PCDHGA8: variants seen among roughly 807,000 people sequenced by gnomAD.
The protein encoded by PCDHGA8 is protocadherin gamma subfamily A, 8, also known as protocadherin gamma-A8.
Under a neutral mutation model 59.2 loss-of-function variants are expected in PCDHGA8, and 45 were observed. The observed-to-expected ratio is 0.76, with a 90% CI of 0.60 to 0.98. The LOEUF (loss-of-function observed/expected upper bound fraction) is 0.98. Ranked by LOEUF, PCDHGA8 falls within the 50% of genes least tolerant of loss-of-function variation. The probability of loss-of-function intolerance (pLI) is 0.00; values close to 1 mark genes in which losing one functional copy is unlikely to be tolerated. For missense variants in PCDHGA8, 1,257 were observed against 1,196.2 expected, an observed-to-expected ratio of 1.05 and a Z score of -0.75; for synonymous variants, 531 against 519.0, an observed-to-expected ratio of 1.02 and a Z score of -0.32.
rs779651957 is a variant in PCDHGA8, at chr5:141,431,167, T to G, written c.2424+35930T>G. 2 of 1,614,118 alleles carry G rather than the reference T, an allele frequency of 1.2e-6. No individual in the cohort carries two copies. Among genetic ancestry groups the G allele is most frequent in the Non-Finnish European group, 1.7e-6 (2 of 1,180,014 alleles). The stretch of plus-strand genomic sequence containing the variant: ...ACAATGCGCCTTACTTTCGTGAAAG[T>G]GAATTAGAAATAAAAATTAGTGAAA... On this transcript the variant is annotated intron_variant, in intron 1 of 3. Transcript: ENST00000398604. The surrounding 1 kb of genome is among the most constrained non-coding windows in gnomAD (Gnocchi z 4.8).
At position 141,491,753 on chromosome 5, in the gene PCDHGA8, C is replaced by T. The variant is rs373728953; in HGVS notation, c.2425-3054C>T. On this transcript the variant is annotated intron_variant, in intron 1 of 3. Coordinates refer to ENST00000398604, the MANE Select transcript of PCDHGA8 (RefSeq NM_032088.2). The surrounding 1 kb of genome is among the most constrained non-coding windows in gnomAD (Gnocchi z 6.9). ...ACCCCTGGGGGCGGCACTGGAGAAGCCGCCCGTCCTCATAAGGGATTGAAC... is the reference window on the plus strand; with the variant it reads ...ACCCCTGGGGGCGGCACTGGAGAAGTCGCCCGTCCTCATAAGGGATTGAAC... 4 of 1,585,146 alleles carry T rather than the reference C, an allele frequency of 2.5e-6. No homozygotes were observed. Among genetic ancestry groups the T allele is most frequent in the East Asian group, 2.3e-5 (1 of 43,412 alleles).
chr5:141,478,418 C>T, intron 1 of PCDHGA8: 1 of 1,613,650 alleles, frequency 6.2e-7, no homozygotes, highest in Non-Finnish European at 8.5e-7. Context: ...GGACTCCCGC[C>T]GCAGCGACCC....
intron 1 of PCDHGA8, among the ~76,000 whole-genome samples, chr5:141,482,782 G>T (rs775083331): frequency 1.6e-4 from 25 of 152,154 alleles, no homozygotes; most frequent in Non-Finnish European, 3.2e-4. Context: ...ACCTTAAACT[G>T]TGTGTGTGGC....
intron 1 of PCDHGA8, chr5:141,427,221 T>C (rs1312743800): frequency 2.2e-6 from 1 of 456,628 alleles, no homozygotes; most frequent in Non-Finnish European, 4.4e-6. Context: ...TCGTAGCAGT[T>C]ATACCATGAG....
intron 1 of PCDHGA8, among the ~76,000 whole-genome samples, chr5:141,453,643 T>G (rs1267570786): frequency 2.6e-5 from 4 of 152,240 alleles, no homozygotes; most frequent in Non-Finnish European, 5.9e-5. Flanking sequence ...TATATTTTCT[T>G]ATGTCCTCTT....
chr5:141,427,458 A>T (rs2097029342), intron 1 of PCDHGA8: 1 of 494,398 alleles, frequency 2.0e-6, no homozygotes, highest in African/African-American at 1.9e-5. Context: ...TCCTTTTAGA[A>T]TCGAATCTTC....
intron 1 of PCDHGA8, among the ~76,000 whole-genome samples, chr5:141,401,627 G>A (rs998564450): frequency 6.6e-6 from 1 of 152,176 alleles, no homozygotes; most frequent in African/African-American, 2.4e-5. Flanking sequence ...TTGTCTTATC[G>A]TTTGGAGCTT....
chr5:141,449,471 G>A (rs1261821886), intron 1 of PCDHGA8, among the ~76,000 whole-genome samples: 1 of 151,060 alleles, frequency 6.6e-6, no homozygotes, highest in African/African-American at 2.4e-5. Flanking sequence ...GCCAGGCCTG[G>A]TACCCCATGC....
rs371490086 is a variant in PCDHGA8, at chr5:141,405,329, G to T, written c.2424+10092G>T. 3 of 1,614,168 alleles carry T rather than the reference G, an allele frequency of 1.9e-6. No individual in the cohort carries two copies. Among genetic ancestry groups the T allele is most frequent in the Non-Finnish European group, 2.5e-6 (3 of 1,180,010 alleles). On this transcript the variant is annotated intron_variant, in intron 1 of 3. Coordinates refer to ENST00000398604, the MANE Select transcript of PCDHGA8 (RefSeq NM_032088.2). The stretch of plus-strand genomic sequence containing the variant: ...CTGTGAGAAAAATGAGCCTTTGTGC[G>T]TCTCTGTTGATTCCAAGTTTCCTAT...
intron 1 of PCDHGA8, chr5:141,410,537 A>G (rs772317770): frequency 1.1e-5 from 17 of 1,613,760 alleles, no homozygotes; most frequent in African/African-American, 1.3e-5. Flanking sequence ...CAATGAAGAC[A>G]TGGTTTGCAG....
At chr5:141,423,549 C>T (rs748764057) in intron 1 of PCDHGA8, 113 of 1,613,568 alleles carry the variant, frequency 7.0e-5, no homozygotes, top group Non-Finnish European at 8.7e-5. Flanking sequence ...TCCCCCAGCC[C>T]AACTATGGGG....
rs990493129 is a variant in PCDHGA8 at position 141,449,560 on chromosome 5, G to C, written c.2425-45247G>C. On this transcript the variant is annotated intron_variant, in intron 1 of 3. Coordinates refer to ENST00000398604, the MANE Select transcript of PCDHGA8 (RefSeq NM_032088.2). ...GCCGAGATCGCACCACTGCACTCCA[G>C]CCTGGGCGACAGAGCAAGACTCTGT... Among the ~76,000 whole-genome samples, 4 of 145,056 alleles carry C rather than the reference G, an allele frequency of 2.8e-5. No homozygotes were observed. The Admixed American group carries it at 2.8e-4, about 10-fold the overall frequency.
intron 1 of PCDHGA8, chr5:141,419,409 A>G: frequency 6.2e-7 from 1 of 1,613,462 alleles, no homozygotes; most frequent in Non-Finnish European, 8.5e-7. Flanking sequence ...GTGTTCGCGC[A>G]GCGCGCCTTC....
intron 1 of PCDHGA8, chr5:141,422,102 T>A: frequency 6.2e-7 from 1 of 1,609,526 alleles, no homozygotes; most frequent in Non-Finnish European, 8.5e-7. Context: ...GCTTCTGAAA[T>A]ATTCCAATTG....
chr5:141,414,556 T>G, intron 1 of PCDHGA8: 2 of 1,613,990 alleles, frequency 1.2e-6, no homozygotes, highest in Non-Finnish European at 1.7e-6. Flanking sequence ...TCAAGTCTCC[T>G]ACTTTACCTA....
intron 1 of PCDHGA8, chr5:141,426,568 C>T: frequency 5.6e-6 from 2 of 354,402 alleles, no homozygotes; most frequent in Non-Finnish European, 5.6e-6. Flanking sequence ...TCGAGAGTCA[C>T]TGTCTTCAAA....
At chr5:141,495,071 C>A (rs1391869079) in intron 2 of PCDHGA8, among the ~76,000 whole-genome samples, 1 of 152,160 alleles carries the variant, frequency 6.6e-6, no homozygotes, top group Non-Finnish European at 1.5e-5. Flanking sequence ...AAGCTCAATT[C>A]ACATGCTTGC....
chr5:141,472,980 C>CAAAAAAAAAAAAAAAAAAAAA (rs60579131), intron 1 of PCDHGA8, among the ~76,000 whole-genome samples: 3 of 86,094 alleles, frequency 3.5e-5, no homozygotes, highest in Non-Finnish European at 5.0e-5. Context: ...GAGTGAAACT[C>CAAAAAAAAAAAAAAAAAAAAA]AAAAAAAAAA....
rs534187376 is a variant in PCDHGA8 at position 141,512,974 on chromosome 5, A to G, written c.*1801A>G. ...AAAATAATAAAACGTTTCTTCTGAA[A>G]AGCTGAACGTTTCTGTATAAGCGAT... is the stretch of plus-strand genomic sequence containing the variant. On this transcript the variant is annotated 3_prime_UTR_variant, in exon 4 of 4. Transcript: ENST00000398604. The G allele has an allele frequency of 6.6e-6, 1 of 152,362 alleles. No individual in the cohort carries two copies. Among genetic ancestry groups the G allele is most frequent in the South Asian group, 2.1e-4 (1 of 4,826 alleles). The allele number at this position is 152,362 out of a possible 1,614,324, so 9.4% of individuals were successfully genotyped here. A position where few individuals can be genotyped will look rare whatever the true frequency, so the allele number is the denominator to read the frequency against.
Sources: allele counts gnomAD v4.1 joint callset (sites outside exome capture counted in the v4.1 genomes callset), GRCh38; gene constraint gnomAD v4.1.1; non-coding constraint Gnocchi (gnomAD v3.1); transcripts MANE v1.5; gene names NCBI Gene and HGNC (gene_info 2026-07-23, HGNC 2026-07-21).